The following ZMYM2 variants were observed in gnomAD, a reference collection of about 807,000 sequenced individuals.
The protein encoded by ZMYM2 is zinc finger MYM-type protein 2.
Under a neutral mutation model 162.8 loss-of-function variants are expected in ZMYM2, and 56 were observed. The observed-to-expected ratio is 0.34, with a 90% CI of 0.28 to 0.43. The LOEUF (loss-of-function observed/expected upper bound fraction) is 0.43. Ranked by LOEUF, ZMYM2 falls within the 20% of genes least tolerant of loss-of-function variation. The probability of loss-of-function intolerance (pLI) is 1.00; values close to 1 mark genes in which losing one functional copy is unlikely to be tolerated. For missense variants in ZMYM2, 1,275 were observed against 1,621.8 expected (o/e 0.79, Z 3.67); for synonymous variants, 510 against 541.6 (o/e 0.94, Z 0.81).
At chr13:19,977,842 G>A (rs377017371) in intron 2 of ZMYM2, among the ~76,000 whole-genome samples, 149 of 148,996 alleles carry the variant, frequency 1.0e-3, no homozygotes, top group African/African-American at 3.2e-3. Context: ...TTTCTCTAGT[G>A]TACCATTTGA....
At chr13:20,022,944 C>T (rs1410304243) in intron 7 of ZMYM2, among the ~76,000 whole-genome samples, 1 of 152,088 alleles carries the variant, frequency 6.6e-6, no homozygotes, top group Non-Finnish European at 1.5e-5. Context: ...TATCAAAATA[C>T]AGTTACCAAA....
the ZMYM2 span, among the ~76,000 whole-genome samples, chr13:19,878,056 C>CT: frequency 0.78 from 112,482 of 144,820 alleles, 45,033 homozygotes; most frequent in East Asian, 0.96. Context: ...TTTTTGATTA[C>CT]TTTTTTTTTT....
intron 5 of ZMYM2, among the ~76,000 whole-genome samples, chr13:20,005,987 T>G (rs898781898): frequency 6.6e-6 from 1 of 152,180 alleles, no homozygotes; most frequent in African/African-American, 2.4e-5. Flanking sequence ...ATCCTAGCAC[T>G]TTGGGAAGCC....
chr13:20,032,598 T>C (rs1350829834), intron 10 of ZMYM2, among the ~76,000 whole-genome samples: 2 of 114,246 alleles, frequency 1.8e-5, no homozygotes, highest in Non-Finnish European at 3.9e-5. Context: ...TTTTTTTCTG[T>C]CTTTTTTTTT....
Position 19,976,039 on chromosome 13 carries a change from A to C in ZMYM2, c.-11+16013A>C, listed in dbSNP as rs1404862731. On this transcript the variant is annotated intron_variant, in intron 2 of 24. Coordinates refer to ENST00000610343, the MANE Select transcript of ZMYM2 (RefSeq NM_197968.4). ...CACGCCTGACCTCCTTTTTTAGAAA[A>C]ACAGCAATCCTAGGCCGGGCACGGT... Among the ~76,000 whole-genome samples the C allele has an allele frequency of 3.3e-5, 5 of 152,064 alleles. No homozygotes were observed. The South Asian group carries it at 1.0e-3, about 32-fold the overall frequency.
At chr13:19,914,461 A>T in the ZMYM2 span, among the ~76,000 whole-genome samples, 1 of 152,200 alleles carries the variant, frequency 6.6e-6, no homozygotes, top group African/African-American at 2.4e-5. Context: ...GCCACCACTG[A>T]GTGCCCAATC....
At chr13:19,911,114 T>A in the ZMYM2 span, among the ~76,000 whole-genome samples, 3 of 145,456 alleles carry the variant, frequency 2.1e-5, no homozygotes, top group African/African-American at 7.6e-5. Flanking sequence ...TGGAGTGCAG[T>A]GGTGGGATCT....
chr13:20,067,622 T>C (rs935317129), intron 21 of ZMYM2, among the ~76,000 whole-genome samples: 12 of 152,222 alleles, frequency 7.9e-5, no homozygotes, highest in African/African-American at 2.9e-4. Context: ...CATCTGGCTA[T>C]AGATCCATGC....
intron 3 of ZMYM2, 73 bp downstream of exon 3, chr13:19,993,992 A>G (rs189797775): frequency 9.2e-5 from 137 of 1,490,202 alleles, no homozygotes; most frequent in Non-Finnish European, 1.1e-4. Context: ...TCATTGTAGT[A>G]ACTGGTATTA....
the ZMYM2 span, among the ~76,000 whole-genome samples, chr13:19,886,903 G>A: frequency 6.6e-6 from 1 of 150,792 alleles, no homozygotes; most frequent in Admixed American, 6.6e-5. Flanking sequence ...CTCATGTGAT[G>A]TGCCCGCCTT....
At chr13:19,988,371 C>A (rs1566228769) in intron 2 of ZMYM2, among the ~76,000 whole-genome samples, 4 of 152,118 alleles carry the variant, frequency 2.6e-5, no homozygotes, top group African/African-American at 9.7e-5. Flanking sequence ...TTAAAAATAA[C>A]TTTGATAGTT....
the ZMYM2 span, among the ~76,000 whole-genome samples, chr13:19,922,028 C>T: frequency 6.6e-6 from 1 of 152,084 alleles, no homozygotes; most frequent in Non-Finnish European, 1.5e-5. Flanking sequence ...TTTCTCCTGC[C>T]TCAGCCTCCT....
intron 21 of ZMYM2, among the ~76,000 whole-genome samples, chr13:20,079,917 T>C (rs546171829): frequency 3.9e-5 from 6 of 152,334 alleles, no homozygotes; most frequent in African/African-American, 1.2e-4. Context: ...TGCTTTATGA[T>C]AAAAGCAAAA....
the ZMYM2 span, among the ~76,000 whole-genome samples, chr13:19,922,757 T>C: frequency 6.6e-6 from 1 of 151,982 alleles, no homozygotes; most frequent in Non-Finnish European, 1.5e-5. Context: ...GGCAGGAGAA[T>C]GGCGAGAACC....
chr13:20,008,375 C>T (rs1950912195), intron 6 of ZMYM2, among the ~76,000 whole-genome samples: 1 of 152,212 alleles, frequency 6.6e-6, no homozygotes, highest in Non-Finnish European at 1.5e-5. Context: ...AAGTGATTTG[C>T]CCACCTCGGC....
chr13:19,910,149 C>G, the ZMYM2 span, among the ~76,000 whole-genome samples: 1 of 151,806 alleles, frequency 6.6e-6, no homozygotes. Context: ...ATGGCGTGAA[C>G]CCGGGAGGCG....
the ZMYM2 span, among the ~76,000 whole-genome samples, chr13:19,892,745 C>T: frequency 2.0e-5 from 3 of 147,628 alleles, no homozygotes; most frequent in South Asian, 4.3e-4. Flanking sequence ...GTCAGAATTT[C>T]GCTGTGTCAC....
At chr13:19,966,688 G>A (rs2041361379) in intron 2 of ZMYM2, among the ~76,000 whole-genome samples, 1 of 152,068 alleles carries the variant, frequency 6.6e-6, no homozygotes, top group Non-Finnish European at 1.5e-5. Context: ...TGATCTGCCT[G>A]CCTTGGCCTC....
the ZMYM2 span, among the ~76,000 whole-genome samples, chr13:19,914,310 G>A: frequency 6.6e-6 from 1 of 152,206 alleles, no homozygotes; most frequent in African/African-American, 2.4e-5. Context: ...TCATTCTGTG[G>A]ACACCAGTTT....
Sources: gnomAD v4.1 joint callset for allele counts (sites outside exome capture counted in the v4.1 genomes callset) on GRCh38, gnomAD v4.1.1 for gene constraint, MANE v1.5 for transcripts, NCBI Gene and HGNC (gene_info 2026-07-23, HGNC 2026-07-21) for gene names.